Variants in CYP11B2 observed in about 807,000 individuals in gnomAD.
CYP11B2 encodes cytochrome P450 11B2, mitochondrial.
A neutral mutation model predicts 49.3 loss-of-function variants in CYP11B2; 38 were observed. The ratio of observed to expected loss-of-function variants is 0.77; its 90% confidence interval spans 0.59 to 1.01. CYP11B2 has a LOEUF of 1.01. Among genes scored for constraint, CYP11B2 ranks in the 50% least tolerant of loss-of-function variants. The probability of loss-of-function intolerance (pLI) is 0.00; values close to 1 mark genes in which losing one functional copy is unlikely to be tolerated. For missense variants in CYP11B2, 669 were observed against 655.5 expected, an observed-to-expected ratio of 1.02 and a Z score of -0.23; for synonymous variants, 290 against 269.3, an observed-to-expected ratio of 1.08 and a Z score of -0.75.
rs1817542954 is a variant in CYP11B2, at chr8:142,911,979, A to C, written c.*1T>G. ...CTGGGACCCTGGGTGCAGATGCAAG[A>C]CTAGTTAATCGCTCTGAAAGTGAGG... On this transcript the variant is annotated 3_prime_UTR_variant, in exon 9 of 9. Coordinates refer to ENST00000323110, the MANE Select transcript of CYP11B2 (RefSeq NM_000498.3). The C allele has an allele frequency of 6.2e-7, 1 of 1,613,836 alleles. No homozygotes were observed. The highest frequency in any genetic ancestry group is 2.2e-5 in the East Asian group (1 of 44,868).
In CYP11B2 at chr8:142,912,642, A is replaced by C; in HGVS notation, c.1286T>G (p.Leu429Arg). The change falls in exon 8 of 9, where the codon CTA becomes CGA. Residue 429 changes from leucine to arginine, a missense_variant. Coordinates refer to ENST00000323110, the MANE Select transcript of CYP11B2 (RefSeq NM_000498.3). ...GTTCCTGCCGGAGCCCCTGATGTCT[A>C]GCCAGCGCTGGGGATTATACCGCTC... ...RPERYNPQRW[L>R]DIRGSGRNFH... 1 of 1,614,188 alleles carries C rather than the reference A, an allele frequency of 6.2e-7. No homozygotes were observed. Among genetic ancestry groups the C allele is most frequent in the Non-Finnish European group, 8.5e-7 (1 of 1,179,996 alleles).
intron 2 of CYP11B2, among the ~76,000 whole-genome samples, 197 bp downstream of exon 2, chr8:142,916,862 C>A (rs1021858529): frequency 1.6e-4 from 24 of 152,140 alleles, no homozygotes; most frequent in Non-Finnish European, 3.2e-4. Flanking sequence ...CATTTCTCCA[C>A]CACCGCCCTG....
At position 142,915,034 on chromosome 8, in the gene CYP11B2, C is replaced by T. The variant is rs61757306; in HGVS notation, c.595+12G>A. On this transcript the variant is annotated intron_variant, in intron 3 of 8. Transcript: ENST00000323110. ...GGGTCTCTGGGGCTGGACCTTCCCG[C>T]ATGGCCCACACCTTCTATGGTGTAG... 3 of 1,613,526 alleles carry T rather than the reference C, an allele frequency of 1.9e-6. No individual in the cohort carries two copies. The highest frequency in any genetic ancestry group is 2.5e-6 in the Non-Finnish European group (3 of 1,179,864).
rs370286183 is a variant in CYP11B2, at chr8:142,913,406, G to T, written c.1000C>A (p.Pro334Thr). The T allele has an allele frequency of 8.7e-6, 14 of 1,614,008 alleles. No homozygotes were observed. The highest frequency in any genetic ancestry group is 1.1e-5 in the Non-Finnish European group (13 of 1,180,010). ...LMTLFELARN[P>T]DVQQILRQES... ...TGGCGCAGGATCTGCTGCACGTCGG[G>T]GTTCCGAGCCAGCTCAAAGAGCGTC... The change falls in exon 6 of 9, where the codon CCC becomes ACC. Residue 334 changes from proline (P) to threonine (T), a missense_variant. Pro to Thr is a conservative substitution (Grantham distance 38). Coordinates refer to ENST00000323110, the MANE Select transcript of CYP11B2 (RefSeq NM_000498.3).
chr8:142,916,543 G>A (rs1047642845), intron 2 of CYP11B2: 6 of 383,192 alleles, frequency 1.6e-5, no homozygotes, highest in African/African-American at 1.1e-4. Context: ...GAGAACAACG[G>A]AACCACCAGC....
chr8:142,917,451 A>G, intron 1 of CYP11B2, 151 bp downstream of exon 1: 1 of 1,605,936 alleles, frequency 6.2e-7, no homozygotes, highest in Non-Finnish European at 8.5e-7. Context: ...GCAGCACCAC[A>G]GACCAGCATG....
Position 142,914,712 on chromosome 8 carries a change from G to A in CYP11B2, c.792C>T (p.Phe264=), listed in dbSNP as rs1817608650. The change falls in exon 4 of 9, where the codon TTC becomes TTT. Residue 264 remains phenylalanine (F), a synonymous_variant. Coordinates refer to ENST00000323110, the MANE Select transcript of CYP11B2 (RefSeq NM_000498.3). ...KEHFEAWDCI[F]QYGDNCIQKI... is the part of the protein sequence containing the mutation. ...CCGGGTCCCTGGCCTCACCGTACTG[G>A]AAGATGCAGTCCCAGGCCTCAAAGT... The A allele has an allele frequency of 1.9e-6, 3 of 1,608,504 alleles. No homozygotes were observed. Among genetic ancestry groups the A allele is most frequent in the Non-Finnish European group, 1.7e-6 (2 of 1,177,820 alleles).
rs771164401 is a variant in CYP11B2, at chr8:142,917,215, C to T, written c.240-1G>A. 10 of 1,613,930 alleles carry T rather than the reference C, an allele frequency of 6.2e-6. No individual in the cohort carries two copies. Among genetic ancestry groups the T allele is most frequent in the Admixed American group, 1.7e-5 (1 of 60,022 alleles). ...CATGCGTGGTCCTCCCAAGTTGTAC[C>T]TGTGGGGCCAAGCAGGAGGCCCTGC... On this transcript the variant is annotated splice_acceptor_variant, in intron 1 of 8. Transcript: ENST00000323110. LOFTEE classifies it high-confidence loss of function.
In CYP11B2 at chr8:142,917,136, C is replaced by T; in HGVS notation, c.318G>A (p.Leu106=). 6.2e-7 allele frequency: 1 copy of T among 1,614,198 alleles called. No homozygotes were observed. Among genetic ancestry groups the T allele is most frequent in the Non-Finnish European group, 8.5e-7 (1 of 1,180,020 alleles). Residue 106 remains leucine, a synonymous_variant, in exon 2 of 9, where the codon CTG becomes CTA. Coordinates refer to ENST00000323110, the MANE Select transcript of CYP11B2 (RefSeq NM_000498.3). The stretch of plus-strand genomic sequence containing the variant: ...GCTCCAGGATCATCCTGCAGGGATG[C>T]AGGCTGTCCACCTGTTGCAGCTTCT... ...DVEKLQQVDS[L]HPCRMILEPW...
chr8:142,913,523 C>A, intron 5 of CYP11B2, 72 bp from the exon 6 acceptor site: 1 of 1,591,306 alleles, frequency 6.3e-7, no homozygotes, highest in South Asian at 1.1e-5. Flanking sequence ...CCTCCCAGGA[C>A]AACCTCCCTC....
chr8:142,916,074 A>C (rs1178898733), intron 2 of CYP11B2, among the ~76,000 whole-genome samples: 4 of 141,916 alleles, frequency 2.8e-5, no homozygotes, highest in Non-Finnish European at 6.3e-5. Flanking sequence ...CACACCACAC[A>C]TACATTCACA....
chr8:142,916,253 C>G (rs539901190), intron 2 of CYP11B2, among the ~76,000 whole-genome samples: 1 of 152,284 alleles, frequency 6.6e-6, no homozygotes, highest in East Asian at 1.9e-4. Context: ...TCCCAGATGT[C>G]ATCTATAGGC....
At chr8:142,913,122 G>A (rs548806059) in intron 6 of CYP11B2, among the ~76,000 whole-genome samples, 163 bp downstream of exon 6, 64 of 152,128 alleles carry the variant, frequency 4.2e-4, no homozygotes, top group Middle Eastern at 3.4e-3. Flanking sequence ...GATTCCAGAG[G>A]AAGAAGAGCT....
chr8:142,916,896 G>A (rs567151559), intron 2 of CYP11B2, among the ~76,000 whole-genome samples, 163 bp downstream of exon 2: 41 of 152,132 alleles, frequency 2.7e-4, no homozygotes, highest in South Asian at 6.2e-4. Flanking sequence ...CAGTGCAGAC[G>A]CGACCCCACA....
chr8:142,916,883 C>T (rs1817654911), intron 2 of CYP11B2, among the ~76,000 whole-genome samples, 176 bp downstream of exon 2: 2 of 152,166 alleles, frequency 1.3e-5, no homozygotes, highest in South Asian at 4.1e-4. Flanking sequence ...CTTCCCCAAC[C>T]CACAGTGCAG....
In CYP11B2 at chr8:142,911,377, T is replaced by A. The variant is rs576457069; in HGVS notation, c.*603A>T. 1 of 155,340 alleles carries A rather than the reference T, an allele frequency of 6.4e-6. No individual in the cohort carries two copies. The highest frequency in any genetic ancestry group is 6.2e-5 in the Admixed American group (1 of 16,042). 9.6% of individuals were successfully genotyped at this position (155,340 alleles called of 1,614,324 possible). On this transcript the variant is annotated 3_prime_UTR_variant, in exon 9 of 9. Transcript: ENST00000323110. Reference sequence around the variant, plus strand: ...GAACACACGCCCCTCGAGACTCAGTTGTATCACTTGAAAATGTGTCAGGAT... The same window carrying A: ...GAACACACGCCCCTCGAGACTCAGTAGTATCACTTGAAAATGTGTCAGGAT...
In CYP11B2 at chr8:142,914,287, G is replaced by C; in HGVS notation, c.931C>G (p.Leu311Val). Residue 311 changes from leucine (L) to valine (V), a missense_variant, in exon 5 of 9, where the codon CTC becomes GTC. Coordinates refer to ENST00000323110, the MANE Select transcript of CYP11B2 (RefSeq NM_000498.3). ...LEAIKANSME[L>V]TAGSVDTTAF... is the part of the protein sequence containing the mutation. Reference sequence around the variant, plus strand: ...ACCGTGTCCACGCTCCCTGCAGTGAGTTCCATAGAGTTGGCCTTGATGGCT... The same window carrying C: ...ACCGTGTCCACGCTCCCTGCAGTGACTTCCATAGAGTTGGCCTTGATGGCT... 1.2e-6 allele frequency: 2 copies of C among 1,614,206 alleles called. No individual in the cohort carries two copies. Among genetic ancestry groups the C allele is most frequent in the Non-Finnish European group, 1.7e-6 (2 of 1,180,038 alleles).
In CYP11B2 at chr8:142,912,072, C is replaced by T. The variant is rs1238429564; in HGVS notation, c.1420G>A (p.Glu474Lys). 2.5e-6 allele frequency: 4 copies of T among 1,614,074 alleles called. No homozygotes were observed. In the Admixed American group the frequency reaches 5.0e-5, roughly 20 times the overall value. ...TTTATGTCCTCTTGAGTTAGTGTCT[C>T]CACCAGGAAGTGCTTCAGCACCTAG... ...LHHVLKHFLV[E>K]TLTQEDIKMV... Residue 474 changes from glutamate (E) to lysine (K), a missense_variant, in exon 9 of 9, where the codon GAG becomes AAG. Coordinates refer to ENST00000323110, the MANE Select transcript of CYP11B2 (RefSeq NM_000498.3).
intron 7 of CYP11B2, 22 bp from the exon 8 acceptor site, chr8:142,912,749 G>A: frequency 6.2e-7 from 1 of 1,613,594 alleles, no homozygotes; most frequent in Non-Finnish European, 8.5e-7. Context: ...GCAGAGCAGG[G>A]ATCAGGGAAT....
Sources: gnomAD v4.1 joint callset for allele counts (sites outside exome capture counted in the v4.1 genomes callset) on GRCh38, gnomAD v4.1.1 for gene constraint, MANE v1.5 for transcripts, NCBI Gene and HGNC (gene_info 2026-07-23, HGNC 2026-07-21) for gene names.